DAB2: variants seen among roughly 807,000 people sequenced by gnomAD.
DAB2 encodes the protein disabled homolog 2.
DAB2 carries 28 observed loss-of-function variants against 71.6 expected under a neutral mutation model. The ratio of observed to expected loss-of-function variants is 0.39; its 90% CI spans 0.29 to 0.54. The LOEUF (loss-of-function observed/expected upper bound fraction) is 0.54. DAB2 is among the 20% of genes least tolerant of loss of function. The pLI, the probability that DAB2 is intolerant of heterozygous loss-of-function variation, is 0.68. For missense variants in DAB2, 867 were observed against 928.8 expected, an observed-to-expected ratio of 0.93 and a Z score of 0.86; for synonymous variants, 345 against 339.7, an observed-to-expected ratio of 1.02 and a Z score of -0.17.
chr5:39,418,695 A>G (rs1235504876), intron 1 of DAB2, among the ~76,000 whole-genome samples: 1 of 152,184 alleles, frequency 6.6e-6, no homozygotes, highest in Non-Finnish European at 1.5e-5. Context: ...AATAGTTTAA[A>G]GATATATAGG....
intron 1 of DAB2, among the ~76,000 whole-genome samples, chr5:39,405,047 G>C (rs773463745): frequency 3.3e-5 from 5 of 152,242 alleles, no homozygotes; most frequent in Non-Finnish European, 4.4e-5. Context: ...GGAAAAAATA[G>C]AAAGTGTAGT....
chr5:39,405,368 T>G (rs1755588463), intron 1 of DAB2, among the ~76,000 whole-genome samples: 2 of 152,226 alleles, frequency 1.3e-5, no homozygotes, highest in Admixed American at 6.5e-5. Flanking sequence ...TGGCTTAGAC[T>G]ACACAGAACA....
intron 4 of DAB2, 71 bp downstream of exon 4, chr5:39,392,294 C>G: frequency 8.5e-7 from 1 of 1,174,008 alleles, no homozygotes; most frequent in Non-Finnish European, 1.3e-6. Flanking sequence ...GAAGGGGAGC[C>G]GAAATTCAAG....
At chr5:39,395,937 CTTTTTT>C (rs3024228) in intron 1 of DAB2, among the ~76,000 whole-genome samples, 2,954 of 74,866 alleles carry the variant, frequency 0.039, 96 homozygotes, top group Middle Eastern at 0.13. Flanking sequence ...CACAGATATT[CTTTTTT>C]TTTTTTTTTT....
chr5:39,389,887 A>G lies in DAB2; in HGVS notation c.508T>C (p.Tyr170His), dbSNP rs1404700437. Residue 170 changes from tyrosine to histidine, a missense_variant, in exon 6 of 15, where the codon TAT becomes CAT. Physicochemically the swap from Tyr to His is moderately conservative, Grantham distance 83 (BLOSUM62 2). Transcript: ENST00000320816. ...TCTTCTTCCTTTTTCTTTACATTATAGATAACTTGAAAAAGGTCTTTAAGA... is the reference window on the plus strand; with the variant it reads ...TCTTCTTCCTTTTTCTTTACATTATGGATAACTTGAAAAAGGTCTTTAAGA... ...VDLKDLFQVIYNVKKKEEEKK... is the reference protein window; with the variant it reads ...VDLKDLFQVIHNVKKKEEEKK... The G allele has an allele frequency of 6.3e-7, 1 of 1,595,592 alleles. No homozygotes were observed. Among genetic ancestry groups the G allele is most frequent in the African/African-American group, 1.4e-5 (1 of 74,010 alleles).
At chr5:39,395,351 C>T (rs2548563) in intron 1 of DAB2, among the ~76,000 whole-genome samples, 34,615 of 152,124 alleles carry the variant, frequency 0.23, 4,035 homozygotes, top group Admixed American at 0.29. Context: ...TGTGGGCTGG[C>T]ACACTAACCC....
intron 1 of DAB2, among the ~76,000 whole-genome samples, chr5:39,402,545 C>T (rs6882168): frequency 0.35 from 53,510 of 151,946 alleles, 9,974 homozygotes; most frequent in African/African-American, 0.46. Context: ...CCCTCCCAAA[C>T]AGCTGAGATT....
At position 39,422,125 on chromosome 5, in the gene DAB2, C is replaced by T. The variant is rs1756004913; in HGVS notation, c.-102+2679G>A. Among the ~76,000 whole-genome samples the T allele has an allele frequency of 6.6e-6, 1 of 151,868 alleles. No individual in the cohort carries two copies. Among genetic ancestry groups the T allele is most frequent in the African/African-American group, 2.4e-5 (1 of 41,386 alleles). ...CTGTTTCACCTAAATATGATTTTGG[C>T]CAACCTTTGTGCAATTCAGCGGCAC... is the stretch of plus-strand genomic sequence containing the variant. On this transcript the variant is annotated intron_variant, in intron 1 of 14. Transcript: ENST00000320816. The surrounding 1 kb of genome is among the most constrained non-coding windows in gnomAD (Gnocchi z 4.1).
intron 3 of DAB2, 93 bp downstream of exon 3, chr5:39,393,161 T>C: frequency 7.6e-7 from 1 of 1,318,200 alleles, no homozygotes; most frequent in Middle Eastern, 1.9e-4. Context: ...AGTTTTCAAG[T>C]AATTGAACAA....
At chr5:39,382,116 A>G (rs1754993762) in intron 10 of DAB2, among the ~76,000 whole-genome samples, 1 of 152,236 alleles carries the variant, frequency 6.6e-6, no homozygotes, top group South Asian at 2.1e-4. Context: ...AGCTGAGATC[A>G]TAGTGGTAAT....
chr5:39,385,014 T>C (rs754929050), intron 9 of DAB2, among the ~76,000 whole-genome samples: 1 of 152,102 alleles, frequency 6.6e-6, no homozygotes, highest in Admixed American at 6.5e-5. Flanking sequence ...TTTAGAAAGT[T>C]TAAGTCCTAT....
At chr5:39,388,688 A>T in intron 8 of DAB2, 111 bp downstream of exon 8, 1 of 877,152 alleles carries the variant, frequency 1.1e-6, no homozygotes, top group Non-Finnish European at 1.8e-6. Flanking sequence ...AGTTGTCTCA[A>T]TTGGATTTTC....
chr5:39,375,604 G>C (rs922882333), intron 13 of DAB2, among the ~76,000 whole-genome samples: 4 of 152,150 alleles, frequency 2.6e-5, no homozygotes, highest in Non-Finnish European at 5.9e-5. Context: ...AGCTATTATA[G>C]CCAGGTGCGG....
chr5:39,397,883 A>G (rs973255307), intron 1 of DAB2, among the ~76,000 whole-genome samples: 2 of 152,222 alleles, frequency 1.3e-5, no homozygotes, highest in African/African-American at 4.8e-5. Context: ...ATTCCAAAAC[A>G]GAATACATTC....
rs574060228 is a variant in DAB2, at chr5:39,373,351, G to T, written c.*80C>A. The T allele has an allele frequency of 6.6e-6, 1 of 152,656 alleles. No homozygotes were observed. Among genetic ancestry groups the T allele is most frequent in the African/African-American group, 2.4e-5 (1 of 41,558 alleles). 9.5% of individuals were successfully genotyped at this position (152,656 alleles called of 1,614,324 possible). The stretch of plus-strand genomic sequence containing the variant: ...GGAACAAGGGCAGAAATCAGAACGT[G>T]TCTGGCTATCAGCTTTGTTTTTGAC... On this transcript the variant is annotated 3_prime_UTR_variant, in exon 15 of 15. Transcript: ENST00000320816.
intron 1 of DAB2, among the ~76,000 whole-genome samples, chr5:39,413,135 G>A (rs1000595755): frequency 6.6e-5 from 10 of 152,052 alleles, no homozygotes; most frequent in African/African-American, 1.4e-4. Flanking sequence ...ACAGGGACAT[G>A]GCATCAAAGA....
At chr5:39,406,101 C>G (rs1755603601) in intron 1 of DAB2, among the ~76,000 whole-genome samples, 1 of 152,112 alleles carries the variant, frequency 6.6e-6, no homozygotes, top group African/African-American at 2.4e-5. Flanking sequence ...TAAGCTGAGG[C>G]ACTTCTGGGA....
intron 1 of DAB2, among the ~76,000 whole-genome samples, chr5:39,398,475 A>AC (rs779967978): frequency 2.6e-5 from 4 of 152,348 alleles, no homozygotes; most frequent in South Asian, 4.1e-4. Context: ...GGGTATGAGC[A>AC]ATTCCAAGGG....
chr5:39,404,330 C>T lies in DAB2; in HGVS notation c.-101-9909G>A, dbSNP rs576606819. ...TGATGGGTGCGGCACACCAACATGG[C>T]ACATGTATACATACGTAACTAACCT... On this transcript the variant is annotated intron_variant, in intron 1 of 14. Coordinates refer to ENST00000320816, the MANE Select transcript of DAB2 (RefSeq NM_001343.4). Among the ~76,000 whole-genome samples the T allele has an allele frequency of 5.5e-3, 824 of 149,638 alleles. 13 individuals are homozygous for T. The highest frequency in any genetic ancestry group is 0.019 in the African/African-American group (790 of 40,570).
Sources: allele counts gnomAD v4.1 joint callset (sites outside exome capture counted in the v4.1 genomes callset), GRCh38; gene constraint gnomAD v4.1.1; non-coding constraint Gnocchi (gnomAD v3.1); transcripts MANE v1.5; gene names NCBI Gene and HGNC (gene_info 2026-07-23, HGNC 2026-07-21).